COL13A1: variants seen among roughly 807,000 people sequenced by gnomAD.
The protein encoded by COL13A1 is collagen alpha-1(XIII) chain.
In COL13A1, 89 loss-of-function variants were observed where a neutral mutation model predicts 130.9. The observed-to-expected ratio is 0.68, with a 90% CI of 0.57 to 0.81. The LOEUF is 0.81. COL13A1 is among the 30% of genes least tolerant of loss of function. COL13A1 has a pLI of 0.00. For synonymous variants in COL13A1, 402 were observed against 341.6 expected (o/e 1.18, Z -1.95); for missense variants, 879 against 934.6 (o/e 0.94, Z 0.78).
intron 26 of COL13A1, among the ~76,000 whole-genome samples, chr10:69,926,616 A>C (rs1158544973): frequency 6.6e-6 from 1 of 152,194 alleles, no homozygotes; most frequent in Non-Finnish European, 1.5e-5. Context: ...GCCAACAATC[A>C]TCTCCCTGAT....
rs74139248 is a variant in COL13A1, at chr10:69,953,009, T to C, written c.2145+41T>C. On this transcript the variant is annotated intron_variant, in intron 39 of 40. Transcript: ENST00000645393. The stretch of plus-strand genomic sequence containing the variant: ...TCACTTGCATTGTTCTGGTTTTTGT[T>C]CTTGAGGTTTGTAAGTTGGAAACAA... 7.7e-3 allele frequency: 10,955 copies of C among 1,423,928 alleles called. 629 individuals carry two copies. In the African/African-American group the frequency reaches 0.13, roughly 17 times the overall value. 88.2% of individuals were successfully genotyped at this position (1,423,928 alleles called of 1,614,324 possible). A position where few individuals can be genotyped will look rare whatever the true frequency, so the allele number is the denominator to read the frequency against.
chr10:69,919,039 T>C, intron 19 of COL13A1, 23 bp from the exon 20 acceptor site: 2 of 1,613,710 alleles, frequency 1.2e-6, no homozygotes, highest in Non-Finnish European at 1.7e-6. Context: ...GTCTCTCACA[T>C]TTGTTTCTCT....
intron 2 of COL13A1, among the ~76,000 whole-genome samples, chr10:69,850,895 C>G (rs150086910): frequency 1.3e-3 from 192 of 152,332 alleles, no homozygotes; most frequent in African/African-American, 4.4e-3. Flanking sequence ...AGGTGGCTCT[C>G]TTTAGCCAAG....
chr10:69,935,462 C>T, intron 32 of COL13A1, 71 bp downstream of exon 32: 1 of 1,202,628 alleles, frequency 8.3e-7, no homozygotes, highest in South Asian at 1.6e-5. Flanking sequence ...TGGGCTCAAC[C>T]TCAGCCTTAG....
At chr10:69,822,907 T>C (rs1346041045) in intron 2 of COL13A1, among the ~76,000 whole-genome samples, 1 of 152,240 alleles carries the variant, frequency 6.6e-6, no homozygotes, top group Non-Finnish European at 1.5e-5. Flanking sequence ...ATTAGGGCAA[T>C]GTGTGTTCAC....
chr10:69,895,990 G>T (rs1378379017), intron 13 of COL13A1, among the ~76,000 whole-genome samples: 3 of 152,248 alleles, frequency 2.0e-5, no homozygotes, highest in East Asian at 1.9e-4. Flanking sequence ...GTGGCGGTAG[G>T]GGGGTGGTGT....
chr10:69,880,496 C>T lies in COL13A1; in HGVS notation c.463-7C>T. The T allele has an allele frequency of 3.1e-6, 5 of 1,600,120 alleles. No homozygotes were observed. Among genetic ancestry groups the T allele is most frequent in the Non-Finnish European group, 4.3e-6 (5 of 1,167,584 alleles). ...CGCTCCCTCTCCCCCTTCCTCTCTCCCCGCAGGGGTCCCCCGGAGACGCTG... is the reference window on the plus strand; with the variant it reads ...CGCTCCCTCTCCCCCTTCCTCTCTCTCCGCAGGGGTCCCCCGGAGACGCTG... On this transcript the variant is annotated splice_region_variant and splice_polypyrimidine_tract_variant and intron_variant, in intron 6 of 40. Transcript: ENST00000645393.
At chr10:69,816,074 G>A (rs1844415837) in intron 1 of COL13A1, among the ~76,000 whole-genome samples, 2 of 151,490 alleles carry the variant, frequency 1.3e-5, no homozygotes, top group South Asian at 2.1e-4. Context: ...CAGCATGTAT[G>A]AGAGCTTCAG....
intron 10 of COL13A1, among the ~76,000 whole-genome samples, chr10:69,893,783 C>T (rs117436545): frequency 0.013 from 2,033 of 152,316 alleles, 17 homozygotes; most frequent in South Asian, 0.025. Flanking sequence ...CACTCGGGAG[C>T]TGGAGTGGAC....
At chr10:69,868,820 T>A (rs1276161357) in intron 3 of COL13A1, among the ~76,000 whole-genome samples, 1 of 152,336 alleles carries the variant, frequency 6.6e-6, no homozygotes, top group East Asian at 1.9e-4. Context: ...GGACCTGTCA[T>A]GTCATTACTT....
intron 40 of COL13A1, among the ~76,000 whole-genome samples, chr10:69,957,323 C>T (rs1340251769): frequency 6.6e-6 from 1 of 152,178 alleles, no homozygotes; most frequent in Non-Finnish European, 1.5e-5. Flanking sequence ...TAGTGTCTTT[C>T]CCCCAAGGAA....
At chr10:69,921,326 C>G (rs2064638116) in intron 21 of COL13A1, among the ~76,000 whole-genome samples, 1 of 152,202 alleles carries the variant, frequency 6.6e-6, no homozygotes, top group Admixed American at 6.5e-5. Context: ...GACATCAGCA[C>G]ATTGGATAGG....
At chr10:69,804,809 C>CAAAAAAAAAAAAAAAAAAAAA (rs57098368) in intron 1 of COL13A1, among the ~76,000 whole-genome samples, 11 of 75,380 alleles carry the variant, frequency 1.5e-4, no homozygotes, top group South Asian at 5.5e-4. Flanking sequence ...ATGTCGTGTG[C>CAAAAAAAAAAAAAAAAAAAAA]AAAAAAAAAA....
intron 2 of COL13A1, among the ~76,000 whole-genome samples, chr10:69,861,634 T>C (rs1165230228): frequency 6.6e-6 from 1 of 152,222 alleles, no homozygotes; most frequent in Admixed American, 6.5e-5. Flanking sequence ...GTCTACTTGC[T>C]TCCCCTGAGT....
At position 69,808,412 on chromosome 10, in the gene COL13A1, C is replaced by CTAAT. The variant is rs1404770855; in HGVS notation, c.294+5695_294+5696insTAAT. 1.2e-4 allele frequency among the ~76,000 whole-genome samples: 19 copies of CTAAT among 152,318 alleles called. 1 individual carries two copies. The Middle Eastern group carries it at 0.014, about 109-fold the overall frequency. ...CCTAGGTTGTGCCAGACATTTAGCT[C>CTAAT]AGAGAAGGAAAATAGACATAGCATG... On this transcript the variant is annotated intron_variant, in intron 1 of 40. Coordinates refer to ENST00000645393, the MANE Select transcript of COL13A1 (RefSeq NM_001368882.1).
chr10:69,955,787 T>C (rs981229509), intron 39 of COL13A1: 1 of 152,324 alleles, frequency 6.6e-6, no homozygotes, highest in African/African-American at 2.4e-5. Flanking sequence ...ACATCCCATA[T>C]CAATGTGTCA....
chr10:69,906,509 TACAGC>T (rs775342069), intron 17 of COL13A1, among the ~76,000 whole-genome samples: 27 of 152,048 alleles, frequency 1.8e-4, no homozygotes, highest in Non-Finnish European at 3.7e-4. Flanking sequence ...CAGACTTCCT[TACAGC>T]ACAGCAGGTC....
intron 38 of COL13A1, among the ~76,000 whole-genome samples, chr10:69,951,479 C>T (rs567011818): frequency 1.3e-5 from 2 of 152,226 alleles, no homozygotes; most frequent in African/African-American, 4.8e-5. Context: ...ATCTTTCTGC[C>T]TCAAACTCCT....
intron 38 of COL13A1, 69 bp downstream of exon 38, chr10:69,947,411 G>A (rs888681498): frequency 3.3e-5 from 47 of 1,417,966 alleles, no homozygotes; most frequent in South Asian, 1.6e-4. Flanking sequence ...ATGATCGATC[G>A]GTGATTCCTG....
Sources: gnomAD v4.1 joint callset for allele counts (sites outside exome capture counted in the v4.1 genomes callset) on GRCh38, gnomAD v4.1.1 for gene constraint, MANE v1.5 for transcripts, NCBI Gene and HGNC (gene_info 2026-07-23, HGNC 2026-07-21) for gene names.